SLC44A5: variants seen among roughly 807,000 people sequenced by gnomAD.
The protein encoded by SLC44A5 is solute carrier family 44 member 5, also known as choline transporter-like protein 5.
SLC44A5 carries 57 observed loss-of-function variants against 101.8 expected under a neutral mutation model. The observed-to-expected ratio is 0.56, with a 90% CI of 0.45 to 0.70. SLC44A5 has a LOEUF of 0.70. Ranked by LOEUF, SLC44A5 falls within the 30% of genes least tolerant of loss-of-function variation. The probability of loss-of-function intolerance (pLI) is 0.00; values close to 1 mark genes in which losing one functional copy is unlikely to be tolerated. For missense variants in SLC44A5, 737 were observed against 853.1 expected (o/e 0.86, Z 1.70); for synonymous variants, 281 against 290.9 (o/e 0.97, Z 0.35).
At chr1:75,209,546 A>G (rs1038824426) in intron 23 of SLC44A5, among the ~76,000 whole-genome samples, 3 of 152,212 alleles carry the variant, frequency 2.0e-5, no homozygotes, top group African/African-American at 7.2e-5. Flanking sequence ...AAGCACTAGG[A>G]AAACATTAAA....
At chr1:75,530,152 A>C (rs1166831012) in intron 2 of SLC44A5, among the ~76,000 whole-genome samples, 1 of 152,192 alleles carries the variant, frequency 6.6e-6, no homozygotes, top group Non-Finnish European at 1.5e-5. Flanking sequence ...GGAGGAACAA[A>C]TTCAAAGAAA....
chr1:75,330,556 T>A (rs1420285090), intron 4 of SLC44A5, among the ~76,000 whole-genome samples: 1 of 152,156 alleles, frequency 6.6e-6, no homozygotes. Flanking sequence ...CTTTAGGACT[T>A]TGTCTCCATA....
At chr1:75,395,679 G>T (rs182227693) in intron 3 of SLC44A5, among the ~76,000 whole-genome samples, 1 of 152,028 alleles carries the variant, frequency 6.6e-6, no homozygotes, top group African/African-American at 2.4e-5. Context: ...AACAATAATT[G>T]TGTATATTTA....
At chr1:75,348,542 T>TG (rs1228668402) in intron 3 of SLC44A5, among the ~76,000 whole-genome samples, 3 of 152,182 alleles carry the variant, frequency 2.0e-5, no homozygotes, top group Non-Finnish European at 2.9e-5. Context: ...TTGCAGTGTA[T>TG]GTGAAGTAAT....
intron 1 of SLC44A5, among the ~76,000 whole-genome samples, chr1:75,595,673 A>G (rs150624506): frequency 3.0e-4 from 45 of 152,316 alleles, no homozygotes; most frequent in African/African-American, 9.9e-4. Flanking sequence ...ATTCACTTGC[A>G]TAATTTTTAA....
chr1:75,662,876 A>G, the SLC44A5 span, among the ~76,000 whole-genome samples: 2 of 152,092 alleles, frequency 1.3e-5, no homozygotes, highest in Non-Finnish European at 2.9e-5. Context: ...TCATATAGTC[A>G]TTTGGCCTTT....
At chr1:75,368,671 A>C (rs1025289185) in intron 3 of SLC44A5, among the ~76,000 whole-genome samples, 3 of 144,798 alleles carry the variant, frequency 2.1e-5, no homozygotes, top group Non-Finnish European at 3.0e-5. Flanking sequence ...ACACACACAC[A>C]CCACACTCAA....
chr1:75,639,419 A>G, the SLC44A5 span, among the ~76,000 whole-genome samples: 1 of 152,096 alleles, frequency 6.6e-6, no homozygotes, highest in African/African-American at 2.4e-5. Flanking sequence ...ATGATAATCA[A>G]CCTATGCTTG....
intron 2 of SLC44A5, among the ~76,000 whole-genome samples, chr1:75,403,469 G>A (rs1662635335): frequency 6.6e-6 from 1 of 152,146 alleles, no homozygotes; most frequent in Admixed American, 6.5e-5. Context: ...TCTGGCTGGT[G>A]CCCCTCTGGG....
the SLC44A5 span, among the ~76,000 whole-genome samples, chr1:75,671,692 G>C: frequency 1.3e-5 from 2 of 152,294 alleles, no homozygotes; most frequent in East Asian, 3.9e-4. Context: ...AAAGAGAATT[G>C]ATAGTGATGA....
chr1:75,410,061 C>G (rs144416089), intron 2 of SLC44A5, among the ~76,000 whole-genome samples: 40 of 152,242 alleles, frequency 2.6e-4, no homozygotes, highest in African/African-American at 9.4e-4. Context: ...TATAATGTGT[C>G]TTACTTTTAA....
intron 5 of SLC44A5, among the ~76,000 whole-genome samples, chr1:75,276,967 G>A (rs963013600): frequency 3.3e-5 from 5 of 152,200 alleles, no homozygotes; most frequent in Admixed American, 3.3e-4. Context: ...GGGTCAAGGG[G>A]AAGCAGGGTC....
chr1:75,596,341 C>A (rs1305222451), intron 1 of SLC44A5, among the ~76,000 whole-genome samples: 10 of 152,072 alleles, frequency 6.6e-5, no homozygotes, highest in Admixed American at 3.9e-4. Context: ...TTGCACCAGA[C>A]AGATTCACAG....
upstream of SLC44A5, among the ~76,000 whole-genome samples, chr1:75,612,528 C>T (rs1048681161): frequency 2.0e-5 from 3 of 152,176 alleles, no homozygotes; most frequent in Non-Finnish European, 4.4e-5. Context: ...TCTAAAGTAA[C>T]CTCAAAATCA....
intron 4 of SLC44A5, among the ~76,000 whole-genome samples, chr1:75,314,485 A>G (rs185242404): frequency 1.6e-4 from 25 of 152,338 alleles, no homozygotes; most frequent in Admixed American, 4.6e-4. Flanking sequence ...AAAATGTGCC[A>G]AAGTGTGTGG....
chr1:75,579,135 A>ATGAACTCTGAACTATGTTCC (rs1398235022), intron 1 of SLC44A5, among the ~76,000 whole-genome samples: 1 of 152,370 alleles, frequency 6.6e-6, no homozygotes, highest in East Asian at 1.9e-4. Flanking sequence ...CAGTCAGGAA[A>ATGAACTCTGAACTATGTTCC]TGAACTCTGA....
At chr1:75,534,790 T>C (rs986722994) in intron 2 of SLC44A5, among the ~76,000 whole-genome samples, 2 of 152,192 alleles carry the variant, frequency 1.3e-5, no homozygotes, top group Admixed American at 6.5e-5. Flanking sequence ...CTTTAATTAC[T>C]CAGTTTAAAT....
intron 3 of SLC44A5, among the ~76,000 whole-genome samples, chr1:75,360,284 T>C (rs1659394013): frequency 6.6e-6 from 1 of 152,134 alleles, no homozygotes; most frequent in East Asian, 1.9e-4. Flanking sequence ...TTTGTTCTAG[T>C]AGTTTTATAG....
At chr1:75,218,462 T>G in intron 17 of SLC44A5, 28 bp downstream of exon 17, 1 of 1,611,434 alleles carries the variant, frequency 6.2e-7, no homozygotes, top group Non-Finnish European at 8.5e-7. Flanking sequence ...ACTGACAAGA[T>G]AGGTGTAGGC....
Sources: allele counts gnomAD v4.1 joint callset (sites outside exome capture counted in the v4.1 genomes callset), GRCh38; gene constraint gnomAD v4.1.1; transcripts MANE v1.5; gene names NCBI Gene and HGNC (gene_info 2026-07-23, HGNC 2026-07-21).